The following NPAS3 variants were observed in gnomAD, a reference collection of about 807,000 sequenced individuals.
NPAS3 encodes neuronal PAS domain protein 3, also known as neuronal PAS domain-containing protein 3.
In NPAS3, 14 loss-of-function variants were observed where a neutral mutation model predicts 73.1. The observed-to-expected ratio is 0.19, with a 90% CI of 0.13 to 0.30. NPAS3 has a LOEUF of 0.30. Among genes scored for constraint, NPAS3 ranks in the 10% least tolerant of loss-of-function variants. NPAS3 has a pLI of 1.00. For synonymous variants in NPAS3, 620 were observed against 541.5 expected (o/e 1.14, Z -2.01); for missense variants, 1,096 against 1,250.0 (o/e 0.88, Z 1.86).
At chr14:33,662,672 G>T (rs978234797) in intron 5 of NPAS3, among the ~76,000 whole-genome samples, 1 of 152,040 alleles carries the variant, frequency 6.6e-6, no homozygotes, top group Non-Finnish European at 1.5e-5. Context: ...CGCGTCCCTT[G>T]TACATTGTAT....
intron 2 of NPAS3, among the ~76,000 whole-genome samples, chr14:33,057,104 G>A (rs2040917304): frequency 1.3e-5 from 2 of 152,150 alleles, no homozygotes; most frequent in African/African-American, 2.4e-5. Flanking sequence ...TGTGAAGGCT[G>A]CTCTCTGAAA....
intron 4 of NPAS3, among the ~76,000 whole-genome samples, chr14:33,424,055 A>G (rs1436588413): frequency 6.6e-6 from 1 of 152,076 alleles, no homozygotes; most frequent in East Asian, 1.9e-4. Flanking sequence ...ACAATCACAC[A>G]TGAAAACAAA....
At chr14:33,143,447 C>T (rs936677625) in intron 2 of NPAS3, among the ~76,000 whole-genome samples, 5 of 150,504 alleles carry the variant, frequency 3.3e-5, no homozygotes, top group Admixed American at 1.3e-4. Context: ...GCCGAGATTG[C>T]GCCACTGCAC....
intron 2 of NPAS3, among the ~76,000 whole-genome samples, chr14:33,128,805 T>A (rs2139090172): frequency 6.6e-6 from 1 of 152,270 alleles, no homozygotes; most frequent in South Asian, 2.1e-4. Flanking sequence ...CTGGTGTTAC[T>A]TTTACACATA....
intron 4 of NPAS3, among the ~76,000 whole-genome samples, chr14:33,550,287 A>T (rs1838629452): frequency 6.6e-6 from 1 of 152,200 alleles, no homozygotes; most frequent in Non-Finnish European, 1.5e-5. Flanking sequence ...CCTAATAAGC[A>T]TTACTGCTTT....
chr14:33,443,805 A>T (rs887149749), intron 4 of NPAS3, among the ~76,000 whole-genome samples: 1 of 152,166 alleles, frequency 6.6e-6, no homozygotes, highest in Non-Finnish European at 1.5e-5. Flanking sequence ...GGTGGAAGAG[A>T]TGCCTCTGAG....
At chr14:33,439,122 T>C (rs2139248936) in intron 4 of NPAS3, among the ~76,000 whole-genome samples, 1 of 152,306 alleles carries the variant, frequency 6.6e-6, no homozygotes, top group African/African-American at 2.4e-5. Flanking sequence ...TCCAAAGCAT[T>C]TTGCAGAAAC....
At chr14:33,484,004 C>T (rs2051457904) in intron 4 of NPAS3, among the ~76,000 whole-genome samples, 1 of 152,226 alleles carries the variant, frequency 6.6e-6, no homozygotes, top group Admixed American at 6.5e-5. Context: ...TAAGCACCTA[C>T]TGTATGCCAG....
chr14:33,523,157 C>T (rs896374590), intron 4 of NPAS3, among the ~76,000 whole-genome samples: 1 of 152,010 alleles, frequency 6.6e-6, no homozygotes, highest in African/African-American at 2.4e-5. Flanking sequence ...TTAAGGCAAA[C>T]TAAAGTACAT....
intron 2 of NPAS3, among the ~76,000 whole-genome samples, chr14:33,084,464 G>A (rs1406130511): frequency 6.6e-6 from 1 of 152,184 alleles, no homozygotes. Flanking sequence ...GAAGACCTCA[G>A]TTCAGGAATG....
intron 5 of NPAS3, among the ~76,000 whole-genome samples, chr14:33,561,624 T>C (rs572039991): frequency 2.0e-5 from 3 of 152,334 alleles, no homozygotes; most frequent in Non-Finnish European, 2.9e-5. Context: ...GACCTAGTAT[T>C]GAGAATCTTC....
At chr14:33,233,020 C>A (rs1003959850) in intron 3 of NPAS3, among the ~76,000 whole-genome samples, 1 of 152,182 alleles carries the variant, frequency 6.6e-6, no homozygotes, top group Non-Finnish European at 1.5e-5. Context: ...TGCTATGGAT[C>A]TCTCTGCTGA....
rs78338885 is a variant in NPAS3, at chr14:33,299,398, C to A, written c.386-67788C>A. ...TCTGCTGGGGCTGTTAGAAGAAAAG[C>A]GTGCCCTATTCTACAGGACCTGAAC... On this transcript the variant is annotated intron_variant, in intron 3 of 11. Coordinates refer to ENST00000356141, the Ensembl canonical transcript of NPAS3. 8.9e-3 allele frequency among the ~76,000 whole-genome samples: 1,356 copies of A among 152,126 alleles called. 61 individuals carry two copies. The East Asian group carries it at 0.13, about 15-fold the overall frequency.
intron 4 of NPAS3, among the ~76,000 whole-genome samples, chr14:33,511,106 GA>G (rs1210612666): frequency 1.3e-5 from 2 of 152,044 alleles, no homozygotes; most frequent in Non-Finnish European, 2.9e-5. Context: ...TCTTCAAGAA[GA>G]AAGTTTTCAG....
chr14:33,482,732 C>A (rs1020348364), intron 4 of NPAS3, among the ~76,000 whole-genome samples: 1 of 152,062 alleles, frequency 6.6e-6, no homozygotes, highest in Non-Finnish European at 1.5e-5. Flanking sequence ...TCTCTCCCTG[C>A]CCGTCCTTCT....
chr14:33,495,202 C>G (rs1473872773), intron 4 of NPAS3, among the ~76,000 whole-genome samples: 1 of 152,064 alleles, frequency 6.6e-6, no homozygotes, highest in Non-Finnish European at 1.5e-5. Flanking sequence ...TTTCAAAGAA[C>G]TTCTTTATTT....
At position 33,136,261 on chromosome 14, in the gene NPAS3, A is replaced by G. The variant is rs145281150; in HGVS notation, c.141-78921A>G. ...TTTTTAGTAGAGACAGGGTTTCACC[A>G]TGTTGGCCAGGCTGGTCTCAATCTC... On this transcript the variant is annotated intron_variant, in intron 2 of 11. Coordinates refer to ENST00000356141, the Ensembl canonical transcript of NPAS3. 7.1e-3 allele frequency among the ~76,000 whole-genome samples: 1,085 copies of G among 151,998 alleles called. 8 individuals are homozygous for G. Among genetic ancestry groups the G allele is most frequent in the African/African-American group, 0.025 (1,033 of 41,456 alleles).
At chr14:33,362,469 C>A (rs1478470739) in intron 3 of NPAS3, among the ~76,000 whole-genome samples, 1 of 152,196 alleles carries the variant, frequency 6.6e-6, no homozygotes, top group African/African-American at 2.4e-5. Flanking sequence ...TCAAGGGAAT[C>A]CCTTTCCTTT....
chr14:32,937,269 TTTG>T (rs1180895466), upstream of NPAS3, among the ~76,000 whole-genome samples: 1 of 152,154 alleles, frequency 6.6e-6, no homozygotes, highest in Non-Finnish European at 1.5e-5. Flanking sequence ...TCTGGATTTG[TTTG>T]TTAAGTGAAT....
Sources: allele counts gnomAD v4.1 joint callset (sites outside exome capture counted in the v4.1 genomes callset), GRCh38; gene constraint gnomAD v4.1.1; transcripts MANE v1.5; gene names NCBI Gene and HGNC (gene_info 2026-07-23, HGNC 2026-07-21).